The following MYO3B variants were observed in gnomAD, a reference collection of about 807,000 sequenced individuals.
MYO3B encodes myosin IIIB, also known as myosin-IIIb.
Under a neutral mutation model 174.6 loss-of-function variants are expected in MYO3B, and 156 were observed. That is an observed-to-expected ratio of 0.89 (90% CI 0.78 to 1.02). MYO3B has a LOEUF of 1.02. Ranked by LOEUF, MYO3B falls within the 50% of genes least tolerant of loss-of-function variation. The probability of loss-of-function intolerance (pLI) is 0.00; values close to 1 mark genes in which losing one functional copy is unlikely to be tolerated. For synonymous variants in MYO3B, 563 were observed against 569.1 expected (o/e 0.99, Z 0.15); for missense variants, 1,632 against 1,639.4 (o/e 1.00, Z 0.08).
chr2:170,356,563 T>C (rs1487218232), intron 8 of MYO3B, among the ~76,000 whole-genome samples: 3 of 151,370 alleles, frequency 2.0e-5, no homozygotes, highest in Non-Finnish European at 4.4e-5. Context: ...GGTTTCACCA[T>C]GTTGGCCAGG....
chr2:170,354,860 TCTTTATTCA>T (rs1335092612), intron 8 of MYO3B, among the ~76,000 whole-genome samples: 3 of 151,930 alleles, frequency 2.0e-5, no homozygotes, highest in Non-Finnish European at 4.4e-5. Context: ...GCCGTCAGTG[TCTTTATTCA>T]TTCCCTTTCC....
rs1185549008 is a variant in MYO3B, at chr2:170,649,356, A to T, written c.3734-2272A>T. On this transcript the variant is annotated intron_variant, in intron 32 of 34. Transcript: ENST00000408978. ...ATATATTATATATAAAATAATATAT[A>T]ATATATTATATAAAAATATAAATAT... Among the ~76,000 whole-genome samples, 79 of 39,996 alleles carry T rather than the reference A, an allele frequency of 2.0e-3. 2 individuals are homozygous for T. The highest frequency in any genetic ancestry group is 2.9e-3 in the South Asian group (3 of 1,036). The allele number at this position is 39,996 out of a possible 152,430, so 26.2% of individuals were successfully genotyped here.
At chr2:170,617,785 G>A (rs1488251959) in intron 32 of MYO3B, among the ~76,000 whole-genome samples, 2 of 152,204 alleles carry the variant, frequency 1.3e-5, no homozygotes, top group Non-Finnish European at 2.9e-5. Flanking sequence ...GACCTTGAGA[G>A]CAATCATTAG....
chr2:170,308,270 A>G (rs1157254334), intron 7 of MYO3B, among the ~76,000 whole-genome samples: 1 of 152,234 alleles, frequency 6.6e-6, no homozygotes, highest in African/African-American at 2.4e-5. Flanking sequence ...TAATTGCTGT[A>G]GGCAGCGCCC....
intron 16 of MYO3B, among the ~76,000 whole-genome samples, chr2:170,397,916 G>A (rs2094450317): frequency 6.6e-6 from 1 of 152,136 alleles, no homozygotes; most frequent in Non-Finnish European, 1.5e-5. Context: ...TACCATTACT[G>A]TTTTATTATA....
intron 25 of MYO3B, among the ~76,000 whole-genome samples, chr2:170,471,384 A>G (rs766485890): frequency 6.6e-6 from 1 of 152,148 alleles, no homozygotes; most frequent in Admixed American, 6.6e-5. Flanking sequence ...TTTGAAGCAC[A>G]AAATTTTTTA....
At chr2:170,282,791 TA>T (rs1218104584) in intron 7 of MYO3B, among the ~76,000 whole-genome samples, 2 of 152,126 alleles carry the variant, frequency 1.3e-5, no homozygotes, top group African/African-American at 4.8e-5. Context: ...GGGGAAAGCC[TA>T]TTCTTAAAGT....
intron 27 of MYO3B, among the ~76,000 whole-genome samples, chr2:170,500,589 A>G (rs1687198731): frequency 6.6e-6 from 1 of 152,224 alleles, no homozygotes; most frequent in African/African-American, 2.4e-5. Context: ...TCTGAGCCCC[A>G]ACAACTGCCA....
At chr2:170,582,835 G>A (rs1693237933) in intron 32 of MYO3B, among the ~76,000 whole-genome samples, 1 of 151,454 alleles carries the variant, frequency 6.6e-6, no homozygotes, top group Non-Finnish European at 1.5e-5. Context: ...AGAAACAATG[G>A]GATTTTCTCT....
At position 170,457,372 on chromosome 2, in the gene MYO3B, CT is replaced by C. The variant is rs530862777; in HGVS notation, c.2731-5986del. 5.7e-3 allele frequency among the ~76,000 whole-genome samples: 844 copies of C among 148,336 alleles called. 2 individuals carry two copies. Among genetic ancestry groups the C allele is most frequent in the Non-Finnish European group, 9.5e-3 (637 of 66,726 alleles). On this transcript the variant is annotated intron_variant, in intron 23 of 34. Transcript: ENST00000408978. ...CAAGTCTGTCTAAAAGACTTTTTCA[CT>C]TTTTTTTTTGTAATAACACTTAGCT...
chr2:170,496,946 T>G (rs62170724), intron 25 of MYO3B, among the ~76,000 whole-genome samples: 25,474 of 152,016 alleles, frequency 0.17, 2,678 homozygotes, highest in Middle Eastern at 0.31. Flanking sequence ...AGTTATATTT[T>G]TAAAAACAGG....
chr2:170,432,571 A>C (rs2094718314), intron 22 of MYO3B, among the ~76,000 whole-genome samples: 2 of 151,744 alleles, frequency 1.3e-5, no homozygotes, highest in African/African-American at 4.8e-5. Context: ...TTATTTAAAA[A>C]AAAAGAAATT....
chr2:170,293,806 C>CT (rs11347929), intron 7 of MYO3B, among the ~76,000 whole-genome samples: 38 of 150,860 alleles, frequency 2.5e-4, no homozygotes, highest in East Asian at 2.3e-3. Flanking sequence ...CCAAAGAAGC[C>CT]TTTTTTTTTT....
At chr2:170,478,330 G>A (rs1685438429) in intron 25 of MYO3B, among the ~76,000 whole-genome samples, 1 of 152,030 alleles carries the variant, frequency 6.6e-6, no homozygotes, top group Non-Finnish European at 1.5e-5. Context: ...ATTGAATGCG[G>A]GAGTGATTTA....
intron 22 of MYO3B, among the ~76,000 whole-genome samples, chr2:170,417,953 G>A (rs1192635305): frequency 6.6e-6 from 1 of 152,200 alleles, no homozygotes. Flanking sequence ...TTCTGAGTGG[G>A]AGGGAATGGG....
At chr2:170,182,121 C>A (rs936724076) in intron 1 of MYO3B, among the ~76,000 whole-genome samples, 1 of 151,842 alleles carries the variant, frequency 6.6e-6, no homozygotes, top group Non-Finnish European at 1.5e-5. Flanking sequence ...TACAACAATT[C>A]TTTTGGTTGT....
rs199709066 is a variant in MYO3B, at chr2:170,293,984, T to TTG, written c.750-41400_750-41399insGT. 1.4e-4 allele frequency among the ~76,000 whole-genome samples: 22 copies of TTG among 151,736 alleles called. 1 individual carries two copies. In the East Asian group the frequency reaches 4.3e-3, roughly 29 times the overall value. On this transcript the variant is annotated intron_variant, in intron 7 of 34. Transcript: ENST00000408978. The stretch of plus-strand genomic sequence containing the variant: ...TGATTCTTAGAATTTCGTTCTTTTT[T>TTG]TTCCCTGTTCACCTGCTCCTATTTA...
At chr2:170,321,166 A>G (rs2093822952) in intron 7 of MYO3B, among the ~76,000 whole-genome samples, 1 of 152,230 alleles carries the variant, frequency 6.6e-6, no homozygotes, top group African/African-American at 2.4e-5. Flanking sequence ...TAAAGCAGGG[A>G]TTAGAGGCAA....
chr2:170,360,320 T>C (rs1328322262), intron 8 of MYO3B, among the ~76,000 whole-genome samples: 2 of 152,130 alleles, frequency 1.3e-5, no homozygotes, highest in Admixed American at 1.3e-4. Context: ...AGACCATGAC[T>C]GTTTGTCAAA....
Sources: gnomAD v4.1 joint callset for allele counts (sites outside exome capture counted in the v4.1 genomes callset) on GRCh38, gnomAD v4.1.1 for gene constraint, MANE v1.5 for transcripts, NCBI Gene and HGNC (gene_info 2026-07-23, HGNC 2026-07-21) for gene names.